ZFHX4: variants seen among roughly 807,000 people sequenced by gnomAD.
The protein encoded by ZFHX4 is zinc finger homeobox 4, also known as zinc finger homeobox protein 4.
Under a neutral mutation model 267.6 loss-of-function variants are expected in ZFHX4, and 56 were observed. That is an observed-to-expected ratio of 0.21 (90% CI 0.17 to 0.26). The LOEUF (loss-of-function observed/expected upper bound fraction) is 0.26, where lower values mean the gene tolerates loss of function less well. ZFHX4 is among the 10% of genes least tolerant of loss of function. The pLI is 1.00. For synonymous variants in ZFHX4, 1,778 were observed against 1,665.6 expected (o/e 1.07, Z -1.64); for missense variants, 4,332 against 4,420.0 (o/e 0.98, Z 0.56).
At chr8:76,713,286 T>TAGATAGAC (rs1808476108) in intron 3 of ZFHX4, among the ~76,000 whole-genome samples, 1 of 132,830 alleles carries the variant, frequency 7.5e-6, no homozygotes, top group Non-Finnish European at 1.6e-5. Context: ...GATAGAAAGA[T>TAGATAGAC]AGATAGATAG....
At chr8:76,699,850 A>C (rs1311496085) in intron 1 of ZFHX4, among the ~76,000 whole-genome samples, 2 of 151,956 alleles carry the variant, frequency 1.3e-5, no homozygotes, top group Non-Finnish European at 2.9e-5. Context: ...CAAAGAAAAG[A>C]AGCTCTTGGT....
At position 76,777,932 on chromosome 8, in the gene ZFHX4, A is replaced by G. The variant is rs183355773; in HGVS notation, c.3094-276A>G. ...CTAGTTAACTGTATAAGAAGACTCA[A>G]TTTTCTTTGCATATATCTGTTGGAA... On this transcript the variant is annotated intron_variant, in intron 3 of 10. Transcript: ENST00000651372. 3.3e-5 allele frequency among the ~76,000 whole-genome samples: 5 copies of G among 150,356 alleles called. No homozygotes were observed. The East Asian group carries it at 5.9e-4, about 18-fold the overall frequency.
chr8:76,830,143 G>C (rs1051450917), intron 4 of ZFHX4, among the ~76,000 whole-genome samples: 1 of 152,162 alleles, frequency 6.6e-6, no homozygotes, highest in Non-Finnish European at 1.5e-5. Flanking sequence ...TTGGCACAGA[G>C]CAGATATTCT....
rs186354402 is a variant in ZFHX4, at chr8:76,793,545, C to T, written c.3325+15106C>T. Among the ~76,000 whole-genome samples the T allele has an allele frequency of 1.7e-3, 261 of 152,250 alleles. 1 individual carries two copies. Among genetic ancestry groups the T allele is most frequent in the Non-Finnish European group, 9.1e-4 (62 of 68,014 alleles). On this transcript the variant is annotated intron_variant, in intron 4 of 10. Coordinates refer to ENST00000651372, the MANE Select transcript of ZFHX4 (RefSeq NM_024721.5). ...AAACACACATGGATTTGCTTTTGCC[C>T]TTCCATAATTCCAGCAGATGAATTT...
At position 76,704,458 on chromosome 8, in the gene ZFHX4, G is replaced by A. The variant is rs757510142; in HGVS notation, c.370G>A (p.Val124Met). The change falls in exon 2 of 11, where the codon GTG becomes ATG. Residue 124 changes from valine (V) to methionine (M), a missense_variant. By Grantham distance (21) the Val-to-Met change is conservative. This residue lies in a region of ZFHX4 where 1,195 missense variants were observed against 1,173.6 expected (regional missense o/e 1.02). Coordinates refer to ENST00000651372, the MANE Select transcript of ZFHX4 (RefSeq NM_024721.5). Reference sequence around the variant, plus strand: ...GATCAGCGAGTTAGAGGACAGTGACGTGGAAAATCTAACAGGGGAGATCGT... The same window carrying A: ...GATCAGCGAGTTAGAGGACAGTGACATGGAAAATCTAACAGGGGAGATCGT... ...SEISELEDSD[V>M]ENLTGEIVYQ... The A allele has an allele frequency of 9.9e-6, 16 of 1,613,876 alleles. No homozygotes were observed. Among genetic ancestry groups the A allele is most frequent in the Middle Eastern group, 1.6e-4 (1 of 6,084 alleles).
chr8:76,784,874 A>G (rs1810647053), intron 4 of ZFHX4, among the ~76,000 whole-genome samples: 2 of 152,112 alleles, frequency 1.3e-5, no homozygotes, highest in South Asian at 4.1e-4. Context: ...ATGTGCCAAT[A>G]TATATTCTAA....
chr8:76,695,410 G>T (rs187775171), intron 1 of ZFHX4, among the ~76,000 whole-genome samples: 8 of 152,238 alleles, frequency 5.3e-5, no homozygotes, highest in African/African-American at 1.9e-4. Context: ...GATAATATTG[G>T]AGTACACAAA....
At chr8:76,765,800 T>A (rs1301974398) in intron 3 of ZFHX4, among the ~76,000 whole-genome samples, 1 of 152,074 alleles carries the variant, frequency 6.6e-6, no homozygotes, top group Non-Finnish European at 1.5e-5. Flanking sequence ...AACAACCCCA[T>A]GAGGCAGTTA....
At chr8:76,834,166 T>C (rs1585991651) in intron 5 of ZFHX4, 1 of 447,622 alleles carries the variant, frequency 2.2e-6, no homozygotes. Flanking sequence ...TTCCAAGTTT[T>C]GGCAATTACG....
Position 76,735,959 on chromosome 8 carries a change from C to T in ZFHX4, c.3093+27911C>T, listed in dbSNP as rs192466083. Among the ~76,000 whole-genome samples, 8 of 151,862 alleles carry T rather than the reference C, an allele frequency of 5.3e-5. No homozygotes were observed. The East Asian group carries it at 5.8e-4, about 11-fold the overall frequency. On this transcript the variant is annotated intron_variant, in intron 3 of 10. Transcript: ENST00000651372. ...TAATCTTCAATATCAACTTTAAGAGCGGAATATAATATGCAAATGGAACAC... is the reference window on the plus strand; with the variant it reads ...TAATCTTCAATATCAACTTTAAGAGTGGAATATAATATGCAAATGGAACAC...
rs757640655 is a variant in ZFHX4 at position 76,854,517 on chromosome 8, C to T, written c.7596C>T (p.Pro2532=). Reference sequence around the variant, plus strand: ...TTCACTCTCCGTTCTTGGAAAGGCCCATGGACATGCCCTACATGATATTTG... The same window carrying T: ...TTCACTCTCCGTTCTTGGAAAGGCCTATGGACATGCCCTACATGATATTTG... ...QFLHSPFLER[P]MDMPYMIFDP... is the part of the protein sequence containing the mutation. Residue 2532 remains proline (P), a synonymous_variant, in exon 10 of 11, where the codon CCC becomes CCT. Transcript: ENST00000651372. The T allele has an allele frequency of 6.8e-6, 11 of 1,613,700 alleles. No individual in the cohort carries two copies. The South Asian group carries it at 1.1e-4, about 16-fold the overall frequency.
rs1813009633 is a variant in ZFHX4, at chr8:76,865,743, A to T, written c.*1178A>T. ...GACTAAAAATTTGTTTTGTATAAAG[A>T]GGTTAGCCCTGCGCACGTAGGACTG... On this transcript the variant is annotated 3_prime_UTR_variant, in exon 11 of 11. Transcript: ENST00000651372. 6.6e-6 allele frequency: 1 copy of T among 152,610 alleles called. No individual in the cohort carries two copies. Among genetic ancestry groups the T allele is most frequent in the Admixed American group, 6.6e-5 (1 of 15,256 alleles). 9.5% of individuals were successfully genotyped at this position (152,610 alleles called of 1,614,324 possible).
At position 76,863,917 on chromosome 8, in the gene ZFHX4, T is replaced by C. The variant is rs1013553956; in HGVS notation, c.10203T>C (p.Tyr3401=). Residue 3401 remains tyrosine, a synonymous_variant, in exon 11 of 11, where the codon TAT becomes TAC. Coordinates refer to ENST00000651372, the MANE Select transcript of ZFHX4 (RefSeq NM_024721.5). ...SDTYVVPFVK[Y]EFICRKCQMM... The stretch of plus-strand genomic sequence containing the variant: ...CTTACGTTGTTCCATTCGTCAAGTA[T>C]GAGTTTATATGCAGAAAGTGCCAGA... 4 of 1,590,954 alleles carry C rather than the reference T, an allele frequency of 2.5e-6. No individual in the cohort carries two copies. The highest frequency in any genetic ancestry group is 2.7e-5 in the African/African-American group (2 of 74,712).
In ZFHX4 at chr8:76,853,469, A is replaced by G; in HGVS notation, c.6548A>G (p.Lys2183Arg). Reference sequence around the variant, plus strand: ...CACTGGTTTAGAAATACGCTTTTTAAGGAACGACAGAGAAATAAAGATTCA... The same window carrying G: ...CACTGGTTTAGAAATACGCTTTTTAGGGAACGACAGAGAAATAAAGATTCA... ...IKHWFRNTLF[K>R]ERQRNKDSPY... Residue 2183 changes from lysine (K) to arginine (R), a missense_variant, in exon 10 of 11, where the codon AAG (lysine) becomes AGG (arginine). This residue lies in a region of ZFHX4 where 48 missense variants were observed against 95.4 expected (regional missense o/e 0.50). Transcript: ENST00000651372. 3.1e-6 allele frequency: 5 copies of G among 1,613,854 alleles called. No individual in the cohort carries two copies. The highest frequency in any genetic ancestry group is 4.2e-6 in the Non-Finnish European group (5 of 1,179,864).
At chr8:76,849,263 C>A in intron 7 of ZFHX4, 135 bp downstream of exon 7, 1 of 1,061,410 alleles carries the variant, frequency 9.4e-7, no homozygotes, top group Non-Finnish European at 1.3e-6. Context: ...CTTGGTATTA[C>A]CTCTAATGTT....
At position 76,863,573 on chromosome 8, in the gene ZFHX4, T is replaced by G; in HGVS notation, c.9859T>G (p.Phe3287Val). The G allele has an allele frequency of 6.2e-7, 1 of 1,613,844 alleles. No homozygotes were observed. The highest frequency in any genetic ancestry group is 8.5e-7 in the Non-Finnish European group (1 of 1,179,832). The change falls in exon 11 of 11, where the codon TTC (phenylalanine) becomes GTC (valine). Residue 3287 changes from phenylalanine to valine, a missense_variant. Coordinates refer to ENST00000651372, the MANE Select transcript of ZFHX4 (RefSeq NM_024721.5). ...CCCTGGAACAGTGCAGGGGGGATAC[T>G]TCCCACCTGTCTGTGGCATGGAGAG... ...QLPGTVQGGY[F>V]PPVCGMESLF...
chr8:76,683,486 A>G (rs1158892735), intron 1 of ZFHX4, among the ~76,000 whole-genome samples: 1 of 151,642 alleles, frequency 6.6e-6, no homozygotes, highest in East Asian at 2.0e-4. Flanking sequence ...AGACAGAGGC[A>G]GGTTCACCAG....
At chr8:76,813,971 T>C (rs1811439564) in intron 4 of ZFHX4, among the ~76,000 whole-genome samples, 1 of 152,200 alleles carries the variant, frequency 6.6e-6, no homozygotes, top group Admixed American at 6.5e-5. Context: ...ACTTTTTGCT[T>C]TTATATTAAT....
At chr8:76,850,104 T>C in intron 8 of ZFHX4, 141 bp from the exon 9 acceptor site, 3 of 653,640 alleles carry the variant, frequency 4.6e-6, no homozygotes, top group Non-Finnish European at 8.0e-6. Context: ...GGTGTGGCAT[T>C]GATCTGTAAC....
Sources: allele counts gnomAD v4.1 joint callset (sites outside exome capture counted in the v4.1 genomes callset), GRCh38; gene constraint gnomAD v4.1.1; regional missense constraint gnomAD v4.1.1; transcripts MANE v1.5; gene names NCBI Gene and HGNC (gene_info 2026-07-23, HGNC 2026-07-21).